The following ADGRV1 variants were observed in gnomAD, a reference collection of about 807,000 sequenced individuals.
ADGRV1 encodes the protein adhesion G protein-coupled receptor V1, also known as G-protein coupled receptor 98.
Under a neutral mutation model 596.2 loss-of-function variants are expected in ADGRV1, and 359 were observed. That is an observed-to-expected ratio of 0.60 (90% CI 0.55 to 0.66). ADGRV1 has a LOEUF of 0.66. ADGRV1 is among the 30% of genes least tolerant of loss of function. The pLI, the probability that ADGRV1 is intolerant of heterozygous loss-of-function variation, is 0.00. For missense variants in ADGRV1, 7,274 were observed against 7,575.6 expected (o/e 0.96, Z 1.48); for synonymous variants, 2,681 against 2,679.2 (o/e 1.00, Z -0.02).
chr5:90,862,189 G>A (rs987750111), intron 82 of ADGRV1, among the ~76,000 whole-genome samples: 9 of 152,158 alleles, frequency 5.9e-5, no homozygotes, highest in African/African-American at 2.2e-4. Context: ...CTCTTCTTGT[G>A]CACTAGAAAA....
chr5:91,151,607 A>G (rs1796065431), intron 88 of ADGRV1, among the ~76,000 whole-genome samples: 1 of 152,226 alleles, frequency 6.6e-6, no homozygotes, highest in South Asian at 2.1e-4. Flanking sequence ...ATGAATCTTA[A>G]AATTTTTTTT....
intron 83 of ADGRV1, among the ~76,000 whole-genome samples, chr5:90,873,838 A>G (rs1768952026): frequency 6.6e-6 from 1 of 150,948 alleles, no homozygotes. Context: ...CATATTTGGG[A>G]ATTAAATGCT....
At position 90,863,264 on chromosome 5, in the gene ADGRV1, T is replaced by C. The variant is rs145105472; in HGVS notation, c.17756-493T>C. 2.4e-3 allele frequency among the ~76,000 whole-genome samples: 364 copies of C among 152,336 alleles called. 5 individuals are homozygous for C. Among genetic ancestry groups the C allele is most frequent in the African/African-American group, 8.5e-3 (355 of 41,582 alleles). Reference sequence around the variant, plus strand: ...TAAGGTTCTAACTATCCCTTTGAAGTAGTGTAAACAGGTGAATTCAAACAA... The same window carrying C: ...TAAGGTTCTAACTATCCCTTTGAAGCAGTGTAAACAGGTGAATTCAAACAA... On this transcript the variant is annotated intron_variant, in intron 82 of 89. Transcript: ENST00000405460.
chr5:90,924,888 G>A (rs541704583), intron 83 of ADGRV1, among the ~76,000 whole-genome samples: 189 of 151,924 alleles, frequency 1.2e-3, no homozygotes, highest in Admixed American at 3.2e-3. Flanking sequence ...ATTAAATAGG[G>A]AATCCTTTCC....
Position 90,777,323 on chromosome 5 carries a change from G to GT in ADGRV1, c.12528-581dup, listed in dbSNP as rs1458254630. On this transcript the variant is annotated intron_variant, in intron 61 of 89. Transcript: ENST00000405460. ...CCAGGCCCCACCTCCAACACTTGAG[G>GT]TCACACTTCAACATGAGATTTATGT... 2.0e-5 allele frequency among the ~76,000 whole-genome samples: 3 copies of GT among 152,240 alleles called. No homozygotes were observed. In the East Asian group the frequency reaches 5.8e-4, roughly 29 times the overall value.
At chr5:90,699,967 G>C (rs1747688493) in intron 34 of ADGRV1, among the ~76,000 whole-genome samples, 1 of 152,042 alleles carries the variant, frequency 6.6e-6, no homozygotes, top group African/African-American at 2.4e-5. Flanking sequence ...GTGCTCCCTA[G>C]ATTTTTTATG....
At chr5:90,736,705 T>A (rs1753270469) in intron 50 of ADGRV1, among the ~76,000 whole-genome samples, 1 of 152,022 alleles carries the variant, frequency 6.6e-6, no homozygotes. Context: ...GTAGGTGCTA[T>A]GTGTCTAGAC....
At chr5:90,909,893 A>G (rs972605384) in intron 83 of ADGRV1, among the ~76,000 whole-genome samples, 7 of 152,230 alleles carry the variant, frequency 4.6e-5, no homozygotes, top group Non-Finnish European at 7.3e-5. Context: ...CCAAACATTT[A>G]AAATATAAAA....
chr5:90,864,984 C>T (rs1767957342), intron 83 of ADGRV1, among the ~76,000 whole-genome samples: 1 of 151,992 alleles, frequency 6.6e-6, no homozygotes. Flanking sequence ...AAAAAAATAG[C>T]GTTTGTGGTG....
At chr5:90,839,770 T>G (rs150361617) in intron 77 of ADGRV1, among the ~76,000 whole-genome samples, 31 of 152,332 alleles carry the variant, frequency 2.0e-4, no homozygotes, top group African/African-American at 7.2e-4. Context: ...CTTACCTACT[T>G]TTATTTTTCT....
intron 78 of ADGRV1, among the ~76,000 whole-genome samples, chr5:90,841,518 G>A (rs1180750811): frequency 1.3e-5 from 2 of 151,992 alleles, no homozygotes; most frequent in Non-Finnish European, 2.9e-5. Flanking sequence ...GTATATACTT[G>A]TACAAAACAG....
At chr5:90,613,561 G>A (rs1762971286) in intron 1 of ADGRV1, among the ~76,000 whole-genome samples, 2 of 152,064 alleles carry the variant, frequency 1.3e-5, no homozygotes, top group Admixed American at 1.3e-4. Context: ...TGGTCTTCTG[G>A]CAGGTTTGCC....
At chr5:90,569,863 T>C (rs1294357364) in intron 1 of ADGRV1, among the ~76,000 whole-genome samples, 1 of 152,150 alleles carries the variant, frequency 6.6e-6, no homozygotes, top group African/African-American at 2.4e-5. Flanking sequence ...TGCCCCTGCT[T>C]TGTGCTGTTA....
At chr5:90,826,064 A>G (rs1033764414) in intron 76 of ADGRV1, among the ~76,000 whole-genome samples, 19 of 152,330 alleles carry the variant, frequency 1.2e-4, no homozygotes, top group Non-Finnish European at 5.9e-5. Flanking sequence ...AAGATGGAAG[A>G]TGATTATTTT....
intron 83 of ADGRV1, among the ~76,000 whole-genome samples, chr5:90,903,646 T>C (rs1772051435): frequency 6.6e-6 from 1 of 151,976 alleles, no homozygotes; most frequent in Non-Finnish European, 1.5e-5. Flanking sequence ...TGTGGGTACC[T>C]AGTAGGTGTA....
At chr5:90,927,020 C>A (rs1281235108) in intron 83 of ADGRV1, among the ~76,000 whole-genome samples, 195 of 149,874 alleles carry the variant, frequency 1.3e-3, no homozygotes, top group African/African-American at 4.5e-3. Context: ...AATCTCTGTT[C>A]TTTTACATTT....
intron 1 of ADGRV1, among the ~76,000 whole-genome samples, chr5:90,611,390 C>A (rs909046636): frequency 6.6e-6 from 1 of 151,878 alleles, no homozygotes; most frequent in Non-Finnish European, 1.5e-5. Context: ...AATTAAATTA[C>A]ATATCATCTT....
chr5:91,025,338 AT>A (rs34385706), intron 85 of ADGRV1, among the ~76,000 whole-genome samples: 38,593 of 147,818 alleles, frequency 0.26, 5,109 homozygotes, highest in Non-Finnish European at 0.29. Flanking sequence ...CAAAAGGAAG[AT>A]TTTTTTTTTT....
chr5:91,123,195 T>C (rs1188762706), intron 87 of ADGRV1, among the ~76,000 whole-genome samples: 2 of 107,940 alleles, frequency 1.9e-5, no homozygotes, highest in African/African-American at 2.5e-5. Context: ...AGATAATATA[T>C]GTAAAACATG....
Sources: allele counts gnomAD v4.1 joint callset (sites outside exome capture counted in the v4.1 genomes callset), GRCh38; gene constraint gnomAD v4.1.1; transcripts MANE v1.5; gene names NCBI Gene and HGNC (gene_info 2026-07-23, HGNC 2026-07-21).